The following AGBL4 variants were observed in gnomAD, a reference collection of about 807,000 sequenced individuals.
The protein encoded by AGBL4 is AGBL carboxypeptidase 4.
AGBL4 carries 58 observed loss-of-function variants against 66.4 expected under a neutral mutation model. That is an observed-to-expected ratio of 0.87 (90% confidence interval 0.71 to 1.09). The LOEUF is 1.09. Ranked by LOEUF, AGBL4 falls within the 50% of genes least tolerant of loss-of-function variation. The probability of loss-of-function intolerance (pLI) is 0.00; values close to 1 mark genes in which losing one functional copy is unlikely to be tolerated. For synonymous variants in AGBL4, 234 were observed against 222.9 expected (o/e 1.05, Z -0.44); for missense variants, 579 against 631.0 (o/e 0.92, Z 0.88).
intron 3 of AGBL4, among the ~76,000 whole-genome samples, chr1:49,667,638 CT>C (rs1646396454): frequency 1.3e-5 from 2 of 152,100 alleles, no homozygotes; most frequent in South Asian, 4.1e-4. Context: ...CTGCACAAGG[CT>C]TCAAAAAAAT....
intron 1 of AGBL4, among the ~76,000 whole-genome samples, chr1:49,852,510 C>A (rs966134131): frequency 3.3e-5 from 5 of 152,010 alleles, no homozygotes; most frequent in Admixed American, 6.6e-5. Flanking sequence ...AAAATGTTTT[C>A]CTCTGTGGTA....
rs373385280 is a variant in AGBL4 at position 49,499,222 on chromosome 1, A to G, written c.282+198091T>C. 4.0e-5 allele frequency among the ~76,000 whole-genome samples: 6 copies of G among 151,800 alleles called. No homozygotes were observed. The East Asian group carries it at 7.7e-4, about 20-fold the overall frequency. On this transcript the variant is annotated intron_variant, in intron 3 of 13. Transcript: ENST00000371839. ...TGGGACACTTTCTATTACTCCTTCA[A>G]TCTCCTTTCTCAACATTTGTGTGTT...
intron 6 of AGBL4, among the ~76,000 whole-genome samples, chr1:48,836,134 G>A (rs1360813079): frequency 6.6e-6 from 1 of 151,878 alleles, no homozygotes; most frequent in South Asian, 2.1e-4. Context: ...AAAAGTGAAT[G>A]CATTGAGATC....
intron 1 of AGBL4, among the ~76,000 whole-genome samples, chr1:49,936,164 C>T (rs1056862457): frequency 2.0e-5 from 3 of 152,070 alleles, no homozygotes; most frequent in Admixed American, 6.6e-5. Context: ...AGCTGAAAGC[C>T]GAGGCTCGAG....
chr1:49,193,528 ATTTC>A (rs1486724959), intron 4 of AGBL4, among the ~76,000 whole-genome samples: 1 of 147,510 alleles, frequency 6.8e-6, no homozygotes, highest in East Asian at 2.0e-4. Flanking sequence ...CTTGGTATTG[ATTTC>A]TTTTTTTTTT....
At chr1:49,669,508 T>C (rs1485831264) in intron 3 of AGBL4, among the ~76,000 whole-genome samples, 1 of 152,126 alleles carries the variant, frequency 6.6e-6, no homozygotes, top group Non-Finnish European at 1.5e-5. Flanking sequence ...CATATTATTG[T>C]ATTTCTATAT....
At chr1:49,999,360 T>C (rs1409626116) in intron 1 of AGBL4, among the ~76,000 whole-genome samples, 2 of 150,048 alleles carry the variant, frequency 1.3e-5, no homozygotes. Flanking sequence ...ATACTCAGAA[T>C]TATACCTAAC....
chr1:49,490,406 T>A (rs1647165157), intron 3 of AGBL4, among the ~76,000 whole-genome samples: 1 of 151,784 alleles, frequency 6.6e-6, no homozygotes, highest in Admixed American at 6.6e-5. Context: ...ATTGCTGTTT[T>A]TTTCCTACAT....
chr1:49,557,773 C>T (rs1323089100), intron 3 of AGBL4, among the ~76,000 whole-genome samples: 2 of 151,958 alleles, frequency 1.3e-5, no homozygotes, highest in African/African-American at 4.8e-5. Context: ...ACTGGGGAAG[C>T]ACCTGACATA....
At chr1:49,759,377 A>T (rs906677962) in intron 2 of AGBL4, among the ~76,000 whole-genome samples, 4 of 152,164 alleles carry the variant, frequency 2.6e-5, no homozygotes, top group African/African-American at 9.7e-5. Flanking sequence ...CACTCCTCAA[A>T]ATTATTAAGG....
At chr1:49,734,319 G>T (rs903570965) in intron 2 of AGBL4, among the ~76,000 whole-genome samples, 3 of 151,714 alleles carry the variant, frequency 2.0e-5, no homozygotes, top group African/African-American at 7.3e-5. Context: ...CAGAGAGAGA[G>T]AAAGGGGGAA....
At chr1:49,035,764 C>T (rs1664599159) in intron 5 of AGBL4, among the ~76,000 whole-genome samples, 1 of 152,062 alleles carries the variant, frequency 6.6e-6, no homozygotes, top group Non-Finnish European at 1.5e-5. Context: ...GGGGAGCTCT[C>T]TCCTGCCCTG....
At chr1:49,898,375 C>A (rs1475235368) in intron 1 of AGBL4, among the ~76,000 whole-genome samples, 1 of 152,042 alleles carries the variant, frequency 6.6e-6, no homozygotes, top group African/African-American at 2.4e-5. Context: ...TGCTCAAATT[C>A]ATTGATCATC....
At chr1:48,563,455 T>C (rs1644427348) in intron 11 of AGBL4, among the ~76,000 whole-genome samples, 1 of 151,058 alleles carries the variant, frequency 6.6e-6, no homozygotes, top group Non-Finnish European at 1.5e-5. Context: ...AGAATGAAAA[T>C]GGAGAGAGGA....
chr1:49,808,798 T>C (rs147485662), intron 2 of AGBL4, among the ~76,000 whole-genome samples: 4 of 152,290 alleles, frequency 2.6e-5, no homozygotes, highest in African/African-American at 9.6e-5. Flanking sequence ...CACATGGGTA[T>C]GATTCAAGTT....
At chr1:48,823,789 A>G (rs538629957) in intron 6 of AGBL4, among the ~76,000 whole-genome samples, 1 of 152,382 alleles carries the variant, frequency 6.6e-6, no homozygotes, top group South Asian at 2.1e-4. Flanking sequence ...AGCATGTGTA[A>G]TGCATGGATG....
chr1:49,331,838 T>G (rs1570453097), intron 3 of AGBL4, among the ~76,000 whole-genome samples: 1 of 145,630 alleles, frequency 6.9e-6, no homozygotes, highest in East Asian at 2.1e-4. Flanking sequence ...TAGGACCCAA[T>G]TCATTCCTTC....
intron 3 of AGBL4, among the ~76,000 whole-genome samples, chr1:49,336,641 T>C (rs1268056747): frequency 6.6e-6 from 1 of 152,242 alleles, no homozygotes; most frequent in Non-Finnish European, 1.5e-5. Flanking sequence ...TTGACATTTC[T>C]TAATTTAAAT....
At chr1:48,952,108 T>C (rs960491381) in intron 5 of AGBL4, among the ~76,000 whole-genome samples, 1 of 152,260 alleles carries the variant, frequency 6.6e-6, no homozygotes. Context: ...ATGTGTTTAA[T>C]GAAAGTTAAT....
Sources: allele counts gnomAD v4.1 joint callset (sites outside exome capture counted in the v4.1 genomes callset), GRCh38; gene constraint gnomAD v4.1.1; transcripts MANE v1.5; gene names NCBI Gene and HGNC (gene_info 2026-07-23, HGNC 2026-07-21).